Variants in KIFAP3 observed in about 807,000 individuals in gnomAD.
KIFAP3 encodes the protein kinesin-associated protein 3.
KIFAP3 carries 68 observed loss-of-function variants against 106.5 expected under a neutral mutation model. The observed-to-expected ratio is 0.64, with a 90% confidence interval of 0.53 to 0.78. The LOEUF (loss-of-function observed/expected upper bound fraction) is 0.78, where lower values mean the gene tolerates loss of function less well. Ranked by LOEUF, KIFAP3 falls within the 30% of genes least tolerant of loss-of-function variation. KIFAP3 has a pLI of 0.00. For missense variants in KIFAP3, 780 were observed against 941.8 expected (o/e 0.83, Z 2.25); for synonymous variants, 320 against 311.5 (o/e 1.03, Z -0.29).
chr1:169,966,461 T>C (rs796231326), intron 17 of KIFAP3, among the ~76,000 whole-genome samples: 1,029 of 26,348 alleles, frequency 0.039, 19 homozygotes, highest in African/African-American at 0.15. Flanking sequence ...AGACGGAAAA[T>C]GGCAAAAAAA....
chr1:170,063,075 C>T lies in KIFAP3; in HGVS notation c.33-7639G>A, dbSNP rs999306357. Among the ~76,000 whole-genome samples the T allele has an allele frequency of 1.1e-4, 16 of 152,174 alleles. 1 individual carries two copies. In the Middle Eastern group the frequency reaches 0.017, roughly 162 times the overall value. On this transcript the variant is annotated intron_variant, in intron 1 of 19. Transcript: ENST00000361580. Reference sequence around the variant, plus strand: ...TTCCCAAAACTAGCCTTGAAACCACCTTTGTAAGACTAATGAAAGGCCCCA... The same window carrying T: ...TTCCCAAAACTAGCCTTGAAACCACTTTTGTAAGACTAATGAAAGGCCCCA...
Position 170,074,646 on chromosome 1 carries a change from C to T in KIFAP3, c.-179G>A. ...GTGAAGCCTCCAGCTCCTCCCACAGCTTCTGTGCCCCAAAACACTGGAGCG... is the reference window on the plus strand; with the variant it reads ...GTGAAGCCTCCAGCTCCTCCCACAGTTTCTGTGCCCCAAAACACTGGAGCG... On this transcript the variant is annotated 5_prime_UTR_variant, in exon 1 of 20. Coordinates refer to ENST00000361580, the MANE Select transcript of KIFAP3 (RefSeq NM_014970.4). 1 of 1,463,630 alleles carries T rather than the reference C, an allele frequency of 6.8e-7. No individual in the cohort carries two copies. Among genetic ancestry groups the T allele is most frequent in the Non-Finnish European group, 9.0e-7 (1 of 1,106,218 alleles). The allele number at this position is 1,463,630 out of a possible 1,614,324, so 90.7% of individuals were successfully genotyped here.
At chr1:169,967,210 TA>T (rs1368230565) in intron 17 of KIFAP3, among the ~76,000 whole-genome samples, 1 of 151,832 alleles carries the variant, frequency 6.6e-6, no homozygotes, top group Non-Finnish European at 1.5e-5. Flanking sequence ...ATTTGCAGAC[TA>T]AAAAATGTGA....
chr1:170,077,679 C>T (rs1376333457), upstream of KIFAP3, among the ~76,000 whole-genome samples: 1 of 152,316 alleles, frequency 6.6e-6, no homozygotes, highest in African/African-American at 2.4e-5. Context: ...GTTCTGTCAT[C>T]CTCTAAAATT....
At chr1:170,040,971 G>A (rs114612331) in intron 3 of KIFAP3, among the ~76,000 whole-genome samples, 236 of 151,914 alleles carry the variant, frequency 1.6e-3, no homozygotes, top group African/African-American at 5.2e-3. Context: ...GATCACAGGC[G>A]CACACCACAA....
At chr1:169,990,895 A>G (rs1667061258) in intron 11 of KIFAP3, among the ~76,000 whole-genome samples, 1 of 152,180 alleles carries the variant, frequency 6.6e-6, no homozygotes, top group Admixed American at 6.6e-5. Context: ...CCATCAGAGA[A>G]TGCAAAGCAA....
intron 10 of KIFAP3, among the ~76,000 whole-genome samples, chr1:169,993,866 C>T (rs922584472): frequency 2.4e-4 from 37 of 152,278 alleles, no homozygotes; most frequent in African/African-American, 8.4e-4. Flanking sequence ...GCCTGGGCAA[C>T]AGAGCAAGAC....
At chr1:170,066,356 T>C (rs1480781183) in intron 1 of KIFAP3, among the ~76,000 whole-genome samples, 1 of 152,164 alleles carries the variant, frequency 6.6e-6, no homozygotes, top group African/African-American at 2.4e-5. Context: ...TTCATATTGG[T>C]AAAACCAAAA....
chr1:170,053,786 C>G (rs56214115), intron 2 of KIFAP3, among the ~76,000 whole-genome samples: 2 of 152,000 alleles, frequency 1.3e-5, no homozygotes, highest in Non-Finnish European at 2.9e-5. Flanking sequence ...AACTGGTTAG[C>G]CATTTGTAGA....
intron 16 of KIFAP3, among the ~76,000 whole-genome samples, chr1:169,973,034 A>G (rs1361545424): frequency 6.7e-6 from 1 of 149,344 alleles, no homozygotes; most frequent in Non-Finnish European, 1.5e-5. Flanking sequence ...GGCATGATAA[A>G]ACATTTTCAC....
intron 1 of KIFAP3, among the ~76,000 whole-genome samples, chr1:170,069,760 A>C (rs1020986824): frequency 2.6e-5 from 4 of 152,122 alleles, no homozygotes; most frequent in Non-Finnish European, 4.4e-5. Flanking sequence ...GGAACAAGAC[A>C]AGAATGTTTA....
intron 5 of KIFAP3, 70 bp downstream of exon 5, chr1:170,038,220 G>C: frequency 8.3e-7 from 1 of 1,206,924 alleles, no homozygotes; most frequent in Non-Finnish European, 1.1e-6. Flanking sequence ...AATATATGAA[G>C]TCTTAAGTTT....
At chr1:169,942,284 G>T (rs927752288) in intron 19 of KIFAP3, among the ~76,000 whole-genome samples, 2 of 152,052 alleles carry the variant, frequency 1.3e-5, no homozygotes, top group East Asian at 3.9e-4. Flanking sequence ...AGAAAAAAAG[G>T]CTTGGTCTTT....
chr1:170,035,147 G>A (rs1172829436), intron 6 of KIFAP3, among the ~76,000 whole-genome samples: 4 of 151,818 alleles, frequency 2.6e-5, no homozygotes, highest in African/African-American at 9.7e-5. Context: ...TCTGGGTCAG[G>A]CTTTATTCTA....
At chr1:170,061,868 A>G (rs927012476) in intron 1 of KIFAP3, among the ~76,000 whole-genome samples, 2 of 152,242 alleles carry the variant, frequency 1.3e-5, no homozygotes, top group African/African-American at 4.8e-5. Context: ...TTGTAGGGAC[A>G]TGGATGAAGC....
At chr1:169,963,520 A>G (rs1665447721) in intron 17 of KIFAP3, among the ~76,000 whole-genome samples, 1 of 151,772 alleles carries the variant, frequency 6.6e-6, no homozygotes. Flanking sequence ...GTTGAGATGG[A>G]GTCTTGCTGT....
chr1:169,974,578 T>G (rs977597762), intron 16 of KIFAP3, among the ~76,000 whole-genome samples: 45 of 151,916 alleles, frequency 3.0e-4, no homozygotes, highest in African/African-American at 8.9e-4. Flanking sequence ...AAAAAATATA[T>G]AGAATAATGT....
chr1:169,984,790 A>G, intron 11 of KIFAP3, 100 bp from the exon 12 acceptor site: 1 of 598,370 alleles, frequency 1.7e-6, no homozygotes, highest in Non-Finnish European at 3.0e-6. Flanking sequence ...TAGATTGTAC[A>G]TTGGGCATAA....
intron 3 of KIFAP3, 64 bp downstream of exon 3, chr1:170,046,623 TTTGATAAACTTTTTTTTATAGTTGC>T: frequency 8.5e-6 from 9 of 1,064,502 alleles, no homozygotes; most frequent in Non-Finnish European, 1.2e-5. Flanking sequence ...ATATCAATAG[TTTGATAAACTTTTTTTTATAGTTGC>T]TTGATGAACT....
Sources: gnomAD v4.1 joint callset for allele counts (sites outside exome capture counted in the v4.1 genomes callset) on GRCh38, gnomAD v4.1.1 for gene constraint, MANE v1.5 for transcripts, NCBI Gene and HGNC (gene_info 2026-07-23, HGNC 2026-07-21) for gene names.